COBLL1: variants seen among roughly 807,000 people sequenced by gnomAD.
COBLL1 encodes the protein cordon-bleu WH2 repeat protein like 1, also known as cordon-bleu protein-like 1.
Under a neutral mutation model 94.8 loss-of-function variants are expected in COBLL1, and 50 were observed. The ratio of observed to expected loss-of-function variants is 0.53; its 90% confidence interval spans 0.42 to 0.67. The LOEUF is 0.67. COBLL1 is among the 30% of genes least tolerant of loss of function. The pLI is 0.00. For missense variants in COBLL1, 1,362 were observed against 1,348.7 expected (o/e 1.01, Z -0.15); for synonymous variants, 448 against 473.8 (o/e 0.95, Z 0.71).
chr2:164,750,535 A>G (rs2105583556), intron 2 of COBLL1, among the ~76,000 whole-genome samples: 1 of 152,294 alleles, frequency 6.6e-6, no homozygotes, highest in East Asian at 1.9e-4. Flanking sequence ...AAACTGCTTC[A>G]AAAGCCTTTT....
intron 2 of COBLL1, among the ~76,000 whole-genome samples, chr2:164,785,429 G>A (rs1238649521): frequency 6.6e-6 from 1 of 152,090 alleles, no homozygotes; most frequent in Non-Finnish European, 1.5e-5. Context: ...ATACCAGAAG[G>A]GTGCTCTGGA....
In COBLL1 at chr2:164,680,829, A is replaced by C. The variant is rs1558908503; in HGVS notation, c.*5117T>G. On this transcript the variant is annotated 3_prime_UTR_variant, in exon 14 of 14. Transcript: ENST00000652658. Reference sequence around the variant, plus strand: ...GTATTTTATCTTGCAATCCTGTGAAATAGACAAATTTAATGACCTTCTGAA... The same window carrying C: ...GTATTTTATCTTGCAATCCTGTGAACTAGACAAATTTAATGACCTTCTGAA... 1 of 152,288 alleles carries C rather than the reference A, an allele frequency of 6.6e-6. No homozygotes were observed. The highest frequency in any genetic ancestry group is 1.9e-4 in the East Asian group (1 of 5,178). The allele number at this position is 152,288 out of a possible 1,614,324, so 9.4% of individuals were successfully genotyped here. A position where few individuals can be genotyped will look rare whatever the true frequency, so the allele number is the denominator to read the frequency against.
At chr2:164,703,309 A>T in intron 9 of COBLL1, 1 of 787,124 alleles carries the variant, frequency 1.3e-6, no homozygotes, top group Non-Finnish European at 2.1e-6. Context: ...AAGAAATCAG[A>T]TTTGTTAGCT....
At position 164,685,910 on chromosome 2, in the gene COBLL1, G is replaced by T; in HGVS notation, c.*36C>A. The T allele has an allele frequency of 7.7e-7, 1 of 1,290,860 alleles. No individual in the cohort carries two copies. Among genetic ancestry groups the T allele is most frequent in the Middle Eastern group, 1.8e-4 (1 of 5,450 alleles). 80.0% of individuals were successfully genotyped at this position (1,290,860 alleles called of 1,614,324 possible). A position where few individuals can be genotyped will look rare whatever the true frequency, so the allele number is the denominator to read the frequency against. On this transcript the variant is annotated 3_prime_UTR_variant, in exon 14 of 14. Coordinates refer to ENST00000652658, the MANE Select transcript of COBLL1 (RefSeq NM_001365672.2). ...TCCATTAGTATGAAGTTGGTCTGAA[G>T]TGGAAGTGAAGTGCAGTGGTGTGGC...
In COBLL1 at chr2:164,702,558, C is replaced by CA. The variant is rs56011410; in HGVS notation, c.1226-1803dup. On this transcript the variant is annotated intron_variant, in intron 9 of 13. Transcript: ENST00000652658. ...CAGCCTGGGCAACAGTGAGACTCCT[C>CA]AAAAAAAAAAAAAAAAAAATAATAA... Among the ~76,000 whole-genome samples the CA allele has an allele frequency of 6.2e-3, 505 of 81,948 alleles. 5 individuals are homozygous for CA. Among genetic ancestry groups the CA allele is most frequent in the Middle Eastern group, 0.029 (4 of 138 alleles). 53.8% of individuals were successfully genotyped at this position (81,948 alleles called of 152,430 possible).
chr2:164,699,231 A>T (rs1335749363), intron 11 of COBLL1, among the ~76,000 whole-genome samples, 174 bp downstream of exon 11: 1 of 152,006 alleles, frequency 6.6e-6, no homozygotes. Flanking sequence ...TCTCTGTGGC[A>T]CAATCATCTG....
rs543005860 is a variant in COBLL1, at chr2:164,805,287, GTCTCTCTCTCTCTCTCTCTCTCTC to G, written c.41+35845_41+35868del. On this transcript the variant is annotated intron_variant, in intron 2 of 13. Coordinates refer to ENST00000652658, the MANE Select transcript of COBLL1 (RefSeq NM_001365672.2). ...TACTGATATATTATTCTCTCTGTCTGTCTCTCTCTCTCTCTCTCTCTCTCTCTCTCTCTCTCTCTCTCTCTCTCT... is the reference window on the plus strand; with the variant it reads ...TACTGATATATTATTCTCTCTGTCTGTCTCTCTCTCTCTCTCTCTCTCTCT... Among the ~76,000 whole-genome samples, 92 of 34,248 alleles carry G rather than the reference GTCTCTCTCTCTCTCTCTCTCTCTC, an allele frequency of 2.7e-3. 3 individuals carry two copies. Among genetic ancestry groups the G allele is most frequent in the African/African-American group, 0.01 (75 of 7,464 alleles). The allele number at this position is 34,248 out of a possible 152,430, so 22.5% of individuals were successfully genotyped here.
intron 9 of COBLL1, chr2:164,702,962 A>C (rs567858397): frequency 5.2e-5 from 33 of 631,916 alleles, no homozygotes; most frequent in Non-Finnish European, 9.0e-5. Flanking sequence ...ACCCAGATAA[A>C]ATTTCAAGTG....
intron 2 of COBLL1, among the ~76,000 whole-genome samples, chr2:164,745,636 G>A (rs1338513392): frequency 1.3e-5 from 2 of 152,304 alleles, no homozygotes; most frequent in South Asian, 2.1e-4. Context: ...ACACAGGTAT[G>A]CAGATGGTGC....
chr2:164,700,993 G>C (rs1307356152), intron 9 of COBLL1, among the ~76,000 whole-genome samples: 2 of 152,128 alleles, frequency 1.3e-5, no homozygotes, highest in Non-Finnish European at 2.9e-5. Context: ...ATTCATGGTA[G>C]AGACAAGAGG....
chr2:164,771,344 C>A (rs1430837060), intron 2 of COBLL1, among the ~76,000 whole-genome samples: 1 of 151,868 alleles, frequency 6.6e-6, no homozygotes. Flanking sequence ...GATATTCCAT[C>A]CAAATATGTT....
intron 2 of COBLL1, among the ~76,000 whole-genome samples, chr2:164,798,802 G>A (rs913164179): frequency 2.0e-5 from 3 of 151,544 alleles, no homozygotes; most frequent in Non-Finnish European, 4.4e-5. Flanking sequence ...GGCGGATCAC[G>A]AGGTCAGGAG....
chr2:164,823,905 G>A (rs962046094), intron 2 of COBLL1, among the ~76,000 whole-genome samples: 2 of 152,072 alleles, frequency 1.3e-5, no homozygotes, highest in Non-Finnish European at 2.9e-5. Context: ...GGAAACTGCA[G>A]AAATGTTCAA....
chr2:164,707,333 G>T (rs556656686), intron 7 of COBLL1, among the ~76,000 whole-genome samples: 16 of 152,170 alleles, frequency 1.1e-4, no homozygotes, highest in African/African-American at 3.4e-4. Context: ...TAGAGATGGG[G>T]TTTCACCATG....
intron 2 of COBLL1, among the ~76,000 whole-genome samples, chr2:164,765,469 C>A (rs1211858963): frequency 6.6e-6 from 1 of 152,026 alleles, no homozygotes; most frequent in African/African-American, 2.4e-5. Flanking sequence ...ATGTTAGATA[C>A]GCTAATGCCA....
At chr2:164,826,771 T>C (rs1241021196) in intron 2 of COBLL1, among the ~76,000 whole-genome samples, 1 of 152,224 alleles carries the variant, frequency 6.6e-6, no homozygotes, top group Non-Finnish European at 1.5e-5. Context: ...ACTGTTTCAT[T>C]GCATCAGACA....
chr2:164,709,794 G>A (rs540177050), intron 7 of COBLL1, among the ~76,000 whole-genome samples: 2 of 152,232 alleles, frequency 1.3e-5, no homozygotes, highest in East Asian at 1.9e-4. Context: ...TTGATACGAC[G>A]TACAATTATG....
intron 10 of COBLL1, among the ~76,000 whole-genome samples, chr2:164,699,919 A>G (rs1233538590): frequency 6.6e-6 from 1 of 152,078 alleles, no homozygotes; most frequent in African/African-American, 2.4e-5. Context: ...TGGTGGTAGA[A>G]TAGTTTAATA....
chr2:164,786,900 C>T (rs1184058285), intron 2 of COBLL1, among the ~76,000 whole-genome samples: 1 of 152,122 alleles, frequency 6.6e-6, no homozygotes, highest in African/African-American at 2.4e-5. Context: ...ATGCCATCTC[C>T]ATCACACACT....
Sources: allele counts gnomAD v4.1 joint callset (sites outside exome capture counted in the v4.1 genomes callset), GRCh38; gene constraint gnomAD v4.1.1; transcripts MANE v1.5; gene names NCBI Gene and HGNC (gene_info 2026-07-23, HGNC 2026-07-21).